Variants in C9orf85 observed in about 807,000 individuals in gnomAD.
The protein encoded by C9orf85 is chromosome 9 open reading frame 85.
A neutral mutation model predicts 14.9 loss-of-function variants in C9orf85; 16 were observed. The observed-to-expected ratio is 1.08, with a 90% CI of 0.73 to 1.63. The LOEUF is 1.63. Ranked by LOEUF, C9orf85 falls within the 40% of genes most tolerant of loss-of-function variation. The probability of loss-of-function intolerance (pLI) is 0.00; values close to 1 mark genes in which losing one functional copy is unlikely to be tolerated. For synonymous variants in C9orf85, 45 were observed against 56.8 expected, an observed-to-expected ratio of 0.79 and a Z score of 0.93; for missense variants, 172 against 186.1, an observed-to-expected ratio of 0.92 and a Z score of 0.44.
intron 1 of C9orf85, among the ~76,000 whole-genome samples, chr9:71,941,454 T>C (rs956528598): frequency 2.0e-5 from 3 of 152,216 alleles, no homozygotes; most frequent in African/African-American, 7.2e-5. Context: ...CTATGAATTA[T>C]TCTGATCCAA....
At chr9:71,929,478 A>G (rs772026389) in intron 1 of C9orf85, among the ~76,000 whole-genome samples, 1 of 152,162 alleles carries the variant, frequency 6.6e-6, no homozygotes, top group Non-Finnish European at 1.5e-5. Context: ...GTTGGCCCAT[A>G]TTGCTCACCA....
intron 1 of C9orf85, among the ~76,000 whole-genome samples, chr9:71,934,556 A>G (rs1263895832): frequency 6.6e-6 from 1 of 152,078 alleles, no homozygotes. Flanking sequence ...CAAATCATAT[A>G]CCTGATAAGG....
chr9:71,952,489 C>T (rs1413422432), intron 2 of C9orf85, among the ~76,000 whole-genome samples: 3 of 152,102 alleles, frequency 2.0e-5, no homozygotes, highest in Admixed American at 6.6e-5. Context: ...CTCAGCCTCC[C>T]GAGTAGCTGG....
rs563915952 is a variant in C9orf85, at chr9:71,979,780, G to A, written c.324-2877G>A. On this transcript the variant is annotated intron_variant, in intron 3 of 3. Transcript: ENST00000377031. ...ATCACACACACACCAAGGAACTTGA[G>A]TAAATCAAGTGATCAAAAAATTGAT... 3.9e-5 allele frequency among the ~76,000 whole-genome samples: 6 copies of A among 152,184 alleles called. 1 individual carries two copies. The highest frequency in any genetic ancestry group is 3.9e-4 in the East Asian group (2 of 5,184).
At chr9:71,917,493 G>T (rs137875217) in intron 1 of C9orf85, among the ~76,000 whole-genome samples, 2 of 152,342 alleles carry the variant, frequency 1.3e-5, no homozygotes, top group East Asian at 3.9e-4. Context: ...AGCAGAACAG[G>T]ATTCTGTGTT....
chr9:71,958,152 T>C (rs1564095849), intron 2 of C9orf85, among the ~76,000 whole-genome samples: 3 of 150,790 alleles, frequency 2.0e-5, no homozygotes, highest in South Asian at 2.1e-4. Flanking sequence ...GGAAATAGGG[T>C]AAATGGAAAG....
chr9:71,934,156 C>T (rs555676391), intron 1 of C9orf85, among the ~76,000 whole-genome samples: 2 of 151,094 alleles, frequency 1.3e-5, no homozygotes, highest in South Asian at 4.2e-4. Context: ...CCAGCCTGGC[C>T]AACATGGTGA....
At chr9:71,976,654 T>C (rs1366902664), downstream of C9orf85, among the ~76,000 whole-genome samples, 1 of 145,732 alleles carries the variant, frequency 6.9e-6, no homozygotes, top group Non-Finnish European at 1.5e-5. Context: ...AGAGCGAGAC[T>C]CCATCTCAAA....
At chr9:71,943,199 A>C (rs146648336) in intron 1 of C9orf85, among the ~76,000 whole-genome samples, 47 of 152,302 alleles carry the variant, frequency 3.1e-4, no homozygotes, top group Non-Finnish European at 6.0e-4. Context: ...ATAGATTTTT[A>C]GCATTGGAAT....
At chr9:71,952,623 C>A (rs4745139) in intron 2 of C9orf85, among the ~76,000 whole-genome samples, 151,379 of 152,252 alleles carry the variant, frequency 0.99, 75,265 homozygotes, top group Middle Eastern at 1. Flanking sequence ...TCAGCCTCCC[C>A]AAGTGCTGGG....
At chr9:71,974,353 C>T (rs1822964480), downstream of C9orf85, among the ~76,000 whole-genome samples, 1 of 151,242 alleles carries the variant, frequency 6.6e-6, no homozygotes, top group Non-Finnish European at 1.5e-5. Context: ...AAGTGATTCT[C>T]CTGCCTTAGC....
chr9:71,954,928 C>T (rs748508259), intron 2 of C9orf85, among the ~76,000 whole-genome samples: 5 of 152,194 alleles, frequency 3.3e-5, no homozygotes, highest in Non-Finnish European at 5.9e-5. Context: ...CGTGTGCTTG[C>T]TCCCTCTTTG....
rs757678668 is a variant in C9orf85 at position 71,911,771 on chromosome 9, C to T, written c.37C>T (p.Pro13Ser). 7.4e-6 allele frequency: 12 copies of T among 1,614,038 alleles called. No individual in the cohort carries two copies. In the South Asian group the frequency reaches 9.9e-5, roughly 13 times the overall value. ...SQKGNVARSR[P>S]QKHQNTFSFK... ...GAAAGGCAACGTGGCTCGTTCCAGA[C>T]CTCAGAAGCACCAGAATACGTTTAG... The change falls in exon 1 of 4, where the codon CCT becomes TCT. Residue 13 changes from proline to serine, a missense_variant. Pro to Ser is a moderately conservative substitution (Grantham distance 74). Coordinates refer to ENST00000334731, the MANE Select transcript of C9orf85 (RefSeq NM_182505.5).
At chr9:71,978,935 T>C (rs1293288601) in intron 3 of C9orf85, among the ~76,000 whole-genome samples, 1 of 152,156 alleles carries the variant, frequency 6.6e-6, no homozygotes, top group Non-Finnish European at 1.5e-5. Context: ...CTTGGGAGGC[T>C]GAGGCAGGAG....
At chr9:71,978,572 C>T (rs913157311) in intron 3 of C9orf85, among the ~76,000 whole-genome samples, 1 of 152,010 alleles carries the variant, frequency 6.6e-6, no homozygotes, top group Non-Finnish European at 1.5e-5. Context: ...GTTCAGAAAT[C>T]GTTTTAAGTA....
At chr9:71,948,826 C>A (rs926739991) in intron 2 of C9orf85, among the ~76,000 whole-genome samples, 3 of 140,056 alleles carry the variant, frequency 2.1e-5, no homozygotes, top group South Asian at 2.3e-4. Flanking sequence ...CCCCCCCCCC[C>A]CTTTAAATAG....
chr9:71,973,689 T>C (rs370455783), downstream of C9orf85, among the ~76,000 whole-genome samples: 16 of 152,144 alleles, frequency 1.1e-4, 1 homozygote, highest in Admixed American at 5.2e-4. Flanking sequence ...CACACCTCGG[T>C]GAGGAAACTG....
At chr9:71,976,542 G>T (rs1180818684), downstream of C9orf85, among the ~76,000 whole-genome samples, 1 of 151,712 alleles carries the variant, frequency 6.6e-6, no homozygotes, top group African/African-American at 2.4e-5. Flanking sequence ...GGCGCCTGTA[G>T]TCCCAGCTAC....
intron 1 of C9orf85, among the ~76,000 whole-genome samples, chr9:71,937,954 A>G (rs1487943392): frequency 6.6e-6 from 1 of 152,114 alleles, no homozygotes; most frequent in Non-Finnish European, 1.5e-5. Context: ...GTAAGCTAGT[A>G]ATAACTTTGA....
Sources: gnomAD v4.1 joint callset for allele counts (sites outside exome capture counted in the v4.1 genomes callset) on GRCh38, gnomAD v4.1.1 for gene constraint, MANE v1.5 for transcripts, NCBI Gene and HGNC (gene_info 2026-07-23, HGNC 2026-07-21) for gene names.